The following MIA2 variants were observed in gnomAD, a reference collection of about 807,000 sequenced individuals.
MIA2 encodes MIA SH3 domain ER export factor 2, also known as melanoma inhibitory activity protein 2.
In MIA2, 127 loss-of-function variants were observed where a neutral mutation model predicts 167.8. That is an observed-to-expected ratio of 0.76 (90% CI 0.66 to 0.88). MIA2 has a LOEUF of 0.88. Ranked by LOEUF, MIA2 falls within the 40% of genes least tolerant of loss-of-function variation. MIA2 has a pLI of 0.00. For missense variants in MIA2, 1,690 were observed against 1,624.7 expected (o/e 1.04, Z -0.69); for synonymous variants, 552 against 541.9 (o/e 1.02, Z -0.26).
intron 21 of MIA2, among the ~76,000 whole-genome samples, chr14:39,316,163 C>T (rs2065395781): frequency 6.6e-6 from 1 of 152,192 alleles, no homozygotes; most frequent in Non-Finnish European, 1.5e-5. Context: ...TGTTGAATTA[C>T]TGGGTACACA....
At chr14:39,382,953 GTTTTTTTTTT>G (rs10689511) in intron 23 of MIA2, among the ~76,000 whole-genome samples, 2 of 75,044 alleles carry the variant, frequency 2.7e-5, no homozygotes, top group African/African-American at 1.0e-4. Context: ...TATGGCCACA[GTTTTTTTTTT>G]TTTTTTTTTT....
intron 6 of MIA2, chr14:39,267,093 G>A: frequency 9.0e-7 from 1 of 1,108,226 alleles, no homozygotes; most frequent in South Asian, 2.4e-5. Flanking sequence ...TGCGAAGCTT[G>A]CGCGAAGAAG....
chr14:39,313,614 G>C (rs991468205), intron 19 of MIA2, among the ~76,000 whole-genome samples, 173 bp downstream of exon 19: 1 of 151,952 alleles, frequency 6.6e-6, no homozygotes, highest in African/African-American at 2.4e-5. Flanking sequence ...CAGATTTCTT[G>C]GTCTTGAGCA....
chr14:39,258,622 C>T (rs2054927677), intron 6 of MIA2, among the ~76,000 whole-genome samples: 1 of 152,134 alleles, frequency 6.6e-6, no homozygotes, highest in Non-Finnish European at 1.5e-5. Context: ...AGTTTTGTGC[C>T]CTTGCTGGAG....
At chr14:39,289,622 A>G (rs1348097069) in intron 9 of MIA2, among the ~76,000 whole-genome samples, 1 of 152,214 alleles carries the variant, frequency 6.6e-6, no homozygotes, top group South Asian at 2.1e-4. Flanking sequence ...AAAATTTTGA[A>G]GGTCAGAAGT....
At chr14:39,354,573 C>T (rs1048792204), downstream of MIA2, among the ~76,000 whole-genome samples, 2 of 152,138 alleles carry the variant, frequency 1.3e-5, no homozygotes, top group Non-Finnish European at 2.9e-5. Context: ...AATTAGATCC[C>T]ATTTGGCAAT....
At chr14:39,248,255 CT>C in intron 4 of MIA2, 114 bp downstream of exon 4, 1 of 783,024 alleles carries the variant, frequency 1.3e-6, no homozygotes, top group Non-Finnish European at 1.7e-6. Flanking sequence ...GAATACTTAG[CT>C]CTTTCATCAA....
intron 10 of MIA2, 33 bp from the exon 11 acceptor site, chr14:39,293,238 T>C (rs1595172900): frequency 7.2e-7 from 1 of 1,385,904 alleles, no homozygotes; most frequent in Non-Finnish European, 1.0e-6. Context: ...AAAATTCTTA[T>C]ATCTGTTTAA....
intron 23 of MIA2, among the ~76,000 whole-genome samples, chr14:39,373,404 G>C (rs1040178300): frequency 1.0e-4 from 15 of 150,534 alleles, no homozygotes; most frequent in African/African-American, 3.4e-4. Flanking sequence ...AGAAAAACTT[G>C]AATGAGATTT....
intron 24 of MIA2, among the ~76,000 whole-genome samples, chr14:39,326,362 A>G (rs917614902): frequency 2.6e-5 from 4 of 152,142 alleles, no homozygotes; most frequent in African/African-American, 9.7e-5. Context: ...GACTCGTAAC[A>G]CTATTCAGTG....
At chr14:39,270,193 T>G (rs1221458840) in intron 6 of MIA2, among the ~76,000 whole-genome samples, 3 of 132,910 alleles carry the variant, frequency 2.3e-5, no homozygotes, top group Admixed American at 8.9e-5. Context: ...TATTTCACTC[T>G]GTTGTGGTTT....
intron 17 of MIA2, among the ~76,000 whole-genome samples, chr14:39,306,511 G>A (rs1337268234): frequency 6.6e-6 from 1 of 152,102 alleles, no homozygotes; most frequent in East Asian, 1.9e-4. Context: ...TAGGAGGATG[G>A]TGATAAACCA....
chr14:39,278,022 G>A (rs944081779), intron 7 of MIA2, among the ~76,000 whole-genome samples: 9 of 151,602 alleles, frequency 5.9e-5, no homozygotes, highest in Admixed American at 5.3e-4. Context: ...CACCCGGGCT[G>A]GAGCGCAGTG....
chr14:39,298,440 T>C (rs879610283), intron 13 of MIA2, among the ~76,000 whole-genome samples: 1 of 11,886 alleles, frequency 8.4e-5, no homozygotes, highest in Non-Finnish European at 1.6e-4. Flanking sequence ...TATATATATA[T>C]ATAAAGATTA....
chr14:39,376,402 G>A (rs903792752), intron 23 of MIA2, among the ~76,000 whole-genome samples: 4 of 152,050 alleles, frequency 2.6e-5, no homozygotes, highest in African/African-American at 9.7e-5. Flanking sequence ...AAAGTTAAAT[G>A]TTTGAAACTA....
At chr14:39,250,429 C>T (rs1021733090) in intron 4 of MIA2, among the ~76,000 whole-genome samples, 1 of 151,818 alleles carries the variant, frequency 6.6e-6, no homozygotes, top group Non-Finnish European at 1.5e-5. Context: ...GGTGTGGTGG[C>T]TCATGCCTGT....
At chr14:39,300,008 A>G in intron 14 of MIA2, 22 bp downstream of exon 14, 2 of 1,573,660 alleles carry the variant, frequency 1.3e-6, no homozygotes, top group Non-Finnish European at 1.7e-6. Context: ...TACTGGTTTT[A>G]GTGATCAAGT....
intron 16 of MIA2, 146 bp from the exon 17 acceptor site, chr14:39,304,145 G>C: frequency 2.4e-6 from 1 of 411,302 alleles, no homozygotes; most frequent in Non-Finnish European, 4.4e-6. Flanking sequence ...CTGCATTATG[G>C]TTTCTGTATT....
chr14:39,277,709 T>G (rs1305000064), intron 7 of MIA2, among the ~76,000 whole-genome samples: 7 of 7,024 alleles, frequency 1.0e-3, no homozygotes, highest in African/African-American at 5.2e-3. Flanking sequence ...TATATATATA[T>G]ATATATGTGT....
Sources: gnomAD v4.1 joint callset for allele counts (sites outside exome capture counted in the v4.1 genomes callset) on GRCh38, gnomAD v4.1.1 for gene constraint, MANE v1.5 for transcripts, NCBI Gene and HGNC (gene_info 2026-07-23, HGNC 2026-07-21) for gene names.